OPRM1: variants seen among roughly 807,000 people sequenced by gnomAD.
OPRM1 encodes mu-type opioid receptor.
In OPRM1, 27 loss-of-function variants were observed where a neutral mutation model predicts 31.8. That is an observed-to-expected ratio of 0.85 (90% CI 0.63 to 1.17). The LOEUF (loss-of-function observed/expected upper bound fraction) is 1.17. Among genes scored for constraint, OPRM1 ranks in the 50% most tolerant of loss-of-function variants. The pLI, the probability that OPRM1 is intolerant of heterozygous loss-of-function variation, is 0.00. For missense variants in OPRM1, 536 were observed against 511.1 expected (o/e 1.05, Z -0.47); for synonymous variants, 196 against 189.9 (o/e 1.03, Z -0.26).
At chr6:154,116,163 C>T (rs746945306) in intron 3 of OPRM1, among the ~76,000 whole-genome samples, 2 of 152,144 alleles carry the variant, frequency 1.3e-5, no homozygotes, top group Non-Finnish European at 1.5e-5. Flanking sequence ...ATGCACTGGT[C>T]GTGCTCTGGG....
chr6:154,088,416 G>A (rs1475060194), intron 1 of OPRM1, among the ~76,000 whole-genome samples: 1 of 152,156 alleles, frequency 6.6e-6, no homozygotes, highest in East Asian at 1.9e-4. Context: ...TTCATCAGAG[G>A]TTGACATTTT....
chr6:154,246,707 C>T, exon 4 of OPRM1: 1 of 1,614,088 alleles, frequency 6.2e-7, no homozygotes, highest in Non-Finnish European at 8.5e-7. Context: ...CCTTGGCAGT[C>T]AGCATGGCCC....
At chr6:154,052,031 C>G (rs879148079) in intron 1 of OPRM1, among the ~76,000 whole-genome samples, 1 of 152,194 alleles carries the variant, frequency 6.6e-6, no homozygotes, top group African/African-American at 2.4e-5. Flanking sequence ...TTTGCAGGGA[C>G]ATGGATGAAG....
exon 1 of OPRM1, chr6:154,010,784 T>A: frequency 7.1e-7 from 1 of 1,411,350 alleles, no homozygotes; most frequent in East Asian, 2.6e-5. Context: ...GTCAAGTGGA[T>A]GTGGCAGAAC....
chr6:154,152,390 A>AGAG lies in OPRM1; in HGVS notation c.1164+60918_1164+60919insGAG, dbSNP rs1798559728. On this transcript the variant is annotated intron_variant, in intron 3 of 3. Coordinates refer to the OPRM1 transcript ENST00000337049. Reference sequence around the variant, plus strand: ...AAAGAAAGAAAGAAAGAAAGAAAGAAAGAGAAATAGTGTTCAGGTTGTGGT... The same window carrying AGAG: ...AAAGAAAGAAAGAAAGAAAGAAAGAAGAGAGAGAAATAGTGTTCAGGTTGTGGT... Among the ~76,000 whole-genome samples the AGAG allele has an allele frequency of 3.6e-3, 457 of 126,292 alleles. 17 individuals are homozygous for AGAG. Among genetic ancestry groups the AGAG allele is most frequent in the African/African-American group, 4.7e-3 (153 of 32,728 alleles). 82.9% of individuals were successfully genotyped at this position (126,292 alleles called of 152,430 possible). A position where few individuals can be genotyped will look rare whatever the true frequency, so the allele number is the denominator to read the frequency against.
At chr6:154,177,900 C>A (rs1263331131) in intron 3 of OPRM1, among the ~76,000 whole-genome samples, 1 of 152,108 alleles carries the variant, frequency 6.6e-6, no homozygotes, top group Non-Finnish European at 1.5e-5. Context: ...AAATGTCCAT[C>A]AATAATAGAC....
At chr6:154,159,881 G>A in intron 3 of OPRM1, 1 of 1,613,198 alleles carries the variant, frequency 6.2e-7, no homozygotes, top group Non-Finnish European at 8.5e-7. Flanking sequence ...AGTTCCTGGG[G>A]GGTGTCATCA....
intron 1 of OPRM1, among the ~76,000 whole-genome samples, chr6:154,024,172 G>C (rs1778549823): frequency 6.6e-6 from 1 of 151,964 alleles, no homozygotes; most frequent in Admixed American, 6.6e-5. Context: ...CTAGGTCCTG[G>C]GCTTTTCTTT....
chr6:154,115,530 G>T (rs1796774271), intron 3 of OPRM1, among the ~76,000 whole-genome samples: 1 of 152,026 alleles, frequency 6.6e-6, no homozygotes, highest in Non-Finnish European at 1.5e-5. Context: ...ACAGAGTGAG[G>T]CTCTGCCTCA....
chr6:154,075,990 TATC>T (rs1160793775), intron 1 of OPRM1, among the ~76,000 whole-genome samples: 1 of 152,222 alleles, frequency 6.6e-6, no homozygotes, highest in Non-Finnish European at 1.5e-5. Flanking sequence ...CAACATTCAT[TATC>T]ATTACTCTTC....
rs1583640232 is a variant in OPRM1 at position 154,131,501 on chromosome 6, GT to G, written c.*12782del. Reference sequence around the variant, plus strand: ...AGAATTAATTCGTTTCCTTGACAGTGTTGGGGGTGAAATAAAAGATAGACCC... The same window carrying G: ...AGAATTAATTCGTTTCCTTGACAGTGTGGGGGTGAAATAAAAGATAGACCC... On this transcript the variant is annotated 3_prime_UTR_variant, in exon 4 of 4. Transcript: ENST00000330432. Among the ~76,000 whole-genome samples the G allele has an allele frequency of 6.6e-6, 1 of 152,206 alleles. No homozygotes were observed. The highest frequency in any genetic ancestry group is 1.9e-4 in the East Asian group (1 of 5,200).
chr6:154,216,408 G>A (rs1373927392), intron 3 of OPRM1, among the ~76,000 whole-genome samples: 2 of 151,872 alleles, frequency 1.3e-5, no homozygotes, highest in Non-Finnish European at 2.9e-5. Flanking sequence ...TTCCAAATTT[G>A]TAATGGAAAT....
At chr6:154,062,574 A>G (rs1275164059) in intron 1 of OPRM1, among the ~76,000 whole-genome samples, 2 of 152,258 alleles carry the variant, frequency 1.3e-5, no homozygotes, top group East Asian at 3.9e-4. Flanking sequence ...ACTGAAAAAA[A>G]AATCTCAATA....
chr6:154,034,266 C>T (rs1779166811), upstream of OPRM1, among the ~76,000 whole-genome samples: 1 of 152,158 alleles, frequency 6.6e-6, no homozygotes, highest in Non-Finnish European at 1.5e-5. Context: ...TGACTGAGGC[C>T]GGGCGCGGTG....
intron 1 of OPRM1, among the ~76,000 whole-genome samples, chr6:154,023,611 T>C (rs1417537496): frequency 6.6e-6 from 1 of 152,186 alleles, no homozygotes; most frequent in Non-Finnish European, 1.5e-5. Flanking sequence ...AAAATGAGCA[T>C]CCCTGCCATG....
At chr6:154,241,008 C>T (rs569815434) in intron 3 of OPRM1, among the ~76,000 whole-genome samples, 221 of 152,084 alleles carry the variant, frequency 1.5e-3, no homozygotes, top group African/African-American at 4.8e-3. Flanking sequence ...GAGACTGAGG[C>T]GGGCAAATCA....
chr6:154,196,489 T>C (rs1776635008), intron 3 of OPRM1, among the ~76,000 whole-genome samples: 1 of 152,210 alleles, frequency 6.6e-6, no homozygotes, highest in African/African-American at 2.4e-5. Context: ...CCTGATAATT[T>C]ATTTGTATAA....
At chr6:154,160,201 A>C (rs895222051) in intron 3 of OPRM1, among the ~76,000 whole-genome samples, 3 of 152,230 alleles carry the variant, frequency 2.0e-5, no homozygotes, top group Non-Finnish European at 4.4e-5. Flanking sequence ...AAGAAATACG[A>C]CATTTGTTTG....
chr6:154,145,559 A>C (rs1798338555), intron 3 of OPRM1, among the ~76,000 whole-genome samples: 1 of 152,298 alleles, frequency 6.6e-6, no homozygotes, highest in African/African-American at 2.4e-5. Context: ...CAATGAAATA[A>C]AGATGTCAAT....
Sources: allele counts gnomAD v4.1 joint callset (sites outside exome capture counted in the v4.1 genomes callset), GRCh38; gene constraint gnomAD v4.1.1; transcripts MANE v1.5; gene names NCBI Gene and HGNC (gene_info 2026-07-23, HGNC 2026-07-21).